CTNNA3: variants seen among roughly 807,000 people sequenced by gnomAD.
CTNNA3 encodes the protein catenin alpha-3.
Under a neutral mutation model 95.7 loss-of-function variants are expected in CTNNA3, and 76 were observed. The observed-to-expected ratio is 0.79, with a 90% CI of 0.66 to 0.96. CTNNA3 has a LOEUF of 0.96. CTNNA3 is among the 40% of genes least tolerant of loss of function. The probability of loss-of-function intolerance (pLI) is 0.00; values close to 1 mark genes in which losing one functional copy is unlikely to be tolerated. For missense variants in CTNNA3, 1,191 were observed against 1,089.8 expected, an observed-to-expected ratio of 1.09 and a Z score of -1.31; for synonymous variants, 431 against 374.4, an observed-to-expected ratio of 1.15 and a Z score of -1.74.
At chr10:66,708,246 G>A (rs1416328208) in intron 9 of CTNNA3, among the ~76,000 whole-genome samples, 3 of 150,898 alleles carry the variant, frequency 2.0e-5, no homozygotes, top group African/African-American at 7.3e-5. Flanking sequence ...AAACACCACT[G>A]ACTGGATGTA....
At chr10:66,354,395 C>T (rs1009684225) in intron 12 of CTNNA3, among the ~76,000 whole-genome samples, 1 of 151,616 alleles carries the variant, frequency 6.6e-6, no homozygotes, top group Non-Finnish European at 1.5e-5. Flanking sequence ...ATCAAGGTAT[C>T]AAGCTCTGCT....
intron 7 of CTNNA3, among the ~76,000 whole-genome samples, chr10:67,008,954 T>C (rs1350717527): frequency 6.6e-6 from 1 of 152,198 alleles, no homozygotes; most frequent in Non-Finnish European, 1.5e-5. Flanking sequence ...AAAAGATAAC[T>C]TGGGTGGGTA....
At chr10:65,953,089 A>G (rs1176783609) in intron 17 of CTNNA3, among the ~76,000 whole-genome samples, 3 of 152,202 alleles carry the variant, frequency 2.0e-5, no homozygotes, top group Non-Finnish European at 4.4e-5. Flanking sequence ...TTTTTCATAT[A>G]TACAGGCTAG....
chr10:66,249,218 G>T (rs1243553430), intron 13 of CTNNA3, among the ~76,000 whole-genome samples: 1 of 152,118 alleles, frequency 6.6e-6, no homozygotes, highest in Non-Finnish European at 1.5e-5. Context: ...TGTGGGCAAA[G>T]ATTTCTTGAG....
rs772544958 is a variant in CTNNA3, at chr10:65,920,610, C to A, written c.2408G>T (p.Ser803Ile). Residue 803 changes from serine (S) to isoleucine (I), a missense_variant, in exon 18 of 18, where the codon AGT becomes ATT. Physicochemically the swap from Ser to Ile is moderately radical, Grantham distance 142. Coordinates refer to ENST00000433211, the MANE Select transcript of CTNNA3 (RefSeq NM_013266.4). ...GGELIMSALD[S>I]VTSLIQAAKN... ...GGCTGCTTGGATCAGGGATGTGACACTGTCCAACTGTAGGGAAAAAAGAGA... is the reference window on the plus strand; with the variant it reads ...GGCTGCTTGGATCAGGGATGTGACAATGTCCAACTGTAGGGAAAAAAGAGA... 1.2e-6 allele frequency: 2 copies of A among 1,606,488 alleles called. No individual in the cohort carries two copies. The highest frequency in any genetic ancestry group is 1.7e-6 in the Non-Finnish European group (2 of 1,174,994).
chr10:66,775,968 A>G (rs1427114004), intron 7 of CTNNA3, among the ~76,000 whole-genome samples: 1 of 152,248 alleles, frequency 6.6e-6, no homozygotes, highest in Admixed American at 6.5e-5. Flanking sequence ...AACACTAAAT[A>G]AAGTATGCAG....
At chr10:66,553,517 CTTTT>C (rs753973882) in intron 10 of CTNNA3, among the ~76,000 whole-genome samples, 5 of 52,216 alleles carry the variant, frequency 9.6e-5, no homozygotes, top group African/African-American at 4.4e-4. Flanking sequence ...CAATACTTTT[CTTTT>C]TTTTTTTTTT....
chr10:67,246,536 C>T (rs1372655501), intron 5 of CTNNA3, among the ~76,000 whole-genome samples: 1 of 152,120 alleles, frequency 6.6e-6, no homozygotes, highest in African/African-American at 2.4e-5. Context: ...TTATTGCCAT[C>T]AAGTTGACTT....
At chr10:67,542,440 G>C (rs1589407038) in intron 3 of CTNNA3, among the ~76,000 whole-genome samples, 1 of 152,102 alleles carries the variant, frequency 6.6e-6, no homozygotes, top group Non-Finnish European at 1.5e-5. Flanking sequence ...ATCTAGAAGA[G>C]TGCCTACTCT....
chr10:65,919,086 A>G lies in CTNNA3; in HGVS notation c.*1244T>C, dbSNP rs1392077031. 1 of 152,182 alleles carries G rather than the reference A, an allele frequency of 6.6e-6. No individual in the cohort carries two copies. The highest frequency in any genetic ancestry group is 1.5e-5 in the Non-Finnish European group (1 of 68,018). The allele number at this position is 152,182 out of a possible 1,614,324, so 9.4% of individuals were successfully genotyped here. On this transcript the variant is annotated 3_prime_UTR_variant, in exon 18 of 18. Coordinates refer to ENST00000433211, the MANE Select transcript of CTNNA3 (RefSeq NM_013266.4). ...TCTATGAATGAGAAAAAATGAAAAC[A>G]AAACTTATGGCCTCCAAAGAGTTTC... is the stretch of plus-strand genomic sequence containing the variant.
rs560637264 is a variant in CTNNA3 at position 67,740,622 on chromosome 10, C to A, written c.-2+22812G>T. The stretch of plus-strand genomic sequence containing the variant: ...AACCACAATGAGATATCATCTCACA[C>A]CAGTTAGAATGGCAGTCATTAAAAA... On this transcript the variant is annotated intron_variant, in intron 1 of 17. Transcript: ENST00000684154. Among the ~76,000 whole-genome samples the A allele has an allele frequency of 2.0e-5, 3 of 151,470 alleles. No individual in the cohort carries two copies. In the South Asian group the frequency reaches 6.4e-4, roughly 32 times the overall value.
At chr10:66,066,086 C>G (rs537444495) in intron 15 of CTNNA3, among the ~76,000 whole-genome samples, 1 of 152,154 alleles carries the variant, frequency 6.6e-6, no homozygotes, top group Admixed American at 6.6e-5. Context: ...TGGTCTCGAA[C>G]TCCCAACCTC....
intron 10 of CTNNA3, among the ~76,000 whole-genome samples, chr10:66,545,147 TATA>T: frequency 6.6e-6 from 1 of 152,080 alleles, no homozygotes; most frequent in Non-Finnish European, 1.5e-5. Context: ...ATTAAAAGTC[TATA>T]AAACAGAATG....
At chr10:66,923,772 G>C (rs1846917358) in intron 7 of CTNNA3, among the ~76,000 whole-genome samples, 1 of 152,164 alleles carries the variant, frequency 6.6e-6, no homozygotes, top group Non-Finnish European at 1.5e-5. Context: ...CAGTCTCACT[G>C]ACTGAGGAAA....
At chr10:66,489,712 A>T (rs912808063) in intron 11 of CTNNA3, among the ~76,000 whole-genome samples, 1 of 152,188 alleles carries the variant, frequency 6.6e-6, no homozygotes, top group Non-Finnish European at 1.5e-5. Context: ...CAAGTTATGA[A>T]GAACTTTGCT....
chr10:67,053,772 T>C (rs1188509690), intron 7 of CTNNA3, among the ~76,000 whole-genome samples: 1 of 152,128 alleles, frequency 6.6e-6, no homozygotes, highest in East Asian at 1.9e-4. Flanking sequence ...CTAAAGGAAT[T>C]GCAAGATGGA....
rs1386144 is a variant in CTNNA3 at position 66,530,312 on chromosome 10, A to C, written c.1375-9539T>G. On this transcript the variant is annotated intron_variant, in intron 10 of 17. Coordinates refer to ENST00000433211, the MANE Select transcript of CTNNA3 (RefSeq NM_013266.4). ...GTATGTGAGGTGAATTTATGTAACAACCACTTAAATTGGTAACATCATCAT... is the reference window on the plus strand; with the variant it reads ...GTATGTGAGGTGAATTTATGTAACACCCACTTAAATTGGTAACATCATCAT... 8.5e-3 allele frequency among the ~76,000 whole-genome samples: 1,287 copies of C among 152,016 alleles called. 20 individuals are homozygous for C. The highest frequency in any genetic ancestry group is 0.029 in the African/African-American group (1,220 of 41,456).
chr10:67,493,561 C>CAAAAA (rs61570165), intron 5 of CTNNA3, among the ~76,000 whole-genome samples: 25 of 94,150 alleles, frequency 2.7e-4, no homozygotes, highest in Non-Finnish European at 4.7e-4. Flanking sequence ...GACTCTGTCT[C>CAAAAA]AAAAAAAAAA....
intron 10 of CTNNA3, among the ~76,000 whole-genome samples, chr10:66,537,782 A>AC (rs1468616547): frequency 6.6e-6 from 1 of 151,750 alleles, no homozygotes; most frequent in African/African-American, 2.4e-5. Context: ...ATATAGTGAG[A>AC]CCCCCATCCA....
Sources: gnomAD v4.1 joint callset for allele counts (sites outside exome capture counted in the v4.1 genomes callset) on GRCh38, gnomAD v4.1.1 for gene constraint, MANE v1.5 for transcripts, NCBI Gene and HGNC (gene_info 2026-07-23, HGNC 2026-07-21) for gene names.